The following SGCZ variants were observed in gnomAD, a reference collection of about 807,000 sequenced individuals.
The protein encoded by SGCZ is zeta-sarcoglycan.
In SGCZ, 40 loss-of-function variants were observed where a neutral mutation model predicts 41.3. The observed-to-expected ratio is 0.97, with a 90% CI of 0.75 to 1.26. The LOEUF (loss-of-function observed/expected upper bound fraction) is 1.26. Among genes scored for constraint, SGCZ ranks in the 50% most tolerant of loss-of-function variants. The probability of loss-of-function intolerance (pLI) is 0.00; values close to 1 mark genes in which losing one functional copy is unlikely to be tolerated. For synonymous variants in SGCZ, 206 were observed against 137.5 expected (o/e 1.50, Z -3.49); for missense variants, 552 against 369.8 (o/e 1.49, Z -4.04).
At chr8:14,218,890 A>C (rs1806092404) in intron 4 of SGCZ, among the ~76,000 whole-genome samples, 1 of 152,180 alleles carries the variant, frequency 6.6e-6, no homozygotes, top group African/African-American at 2.4e-5. Flanking sequence ...CAGCCATTGA[A>C]GTCTACGACC....
At chr8:15,056,792 G>C (rs964910662) in intron 1 of SGCZ, among the ~76,000 whole-genome samples, 43 of 152,128 alleles carry the variant, frequency 2.8e-4, no homozygotes, top group Non-Finnish European at 5.7e-4. Flanking sequence ...CTTGAACTGT[G>C]TAAGATGTAT....
intron 1 of SGCZ, among the ~76,000 whole-genome samples, chr8:14,627,721 A>C (rs1247437895): frequency 2.0e-5 from 3 of 151,386 alleles, no homozygotes; most frequent in Non-Finnish European, 2.9e-5. Context: ...CTGTATAGGA[A>C]AAACATATTC....
chr8:14,826,753 T>A (rs567935911), intron 1 of SGCZ, among the ~76,000 whole-genome samples: 19 of 152,358 alleles, frequency 1.2e-4, no homozygotes, highest in Non-Finnish European at 2.2e-4. Context: ...TGTCTGTTTA[T>A]ATCCTTTGCC....
At chr8:15,045,038 C>T (rs1414213595) in intron 1 of SGCZ, among the ~76,000 whole-genome samples, 1 of 151,938 alleles carries the variant, frequency 6.6e-6, no homozygotes, top group African/African-American at 2.4e-5. Flanking sequence ...TTTTGGATAT[C>T]AGATATATAA....
intron 1 of SGCZ, among the ~76,000 whole-genome samples, chr8:14,845,110 C>A (rs539945542): frequency 6.6e-6 from 1 of 152,142 alleles, no homozygotes; most frequent in East Asian, 1.9e-4. Context: ...AAGAAAACCA[C>A]TGAAGGACAG....
intron 1 of SGCZ, chr8:14,853,519 G>A (rs780108055): frequency 3.4e-5 from 18 of 530,192 alleles, no homozygotes; most frequent in African/African-American, 2.1e-4. Context: ...AGCAGGTGAC[G>A]GGGAGATTCT....
At chr8:14,254,069 G>C (rs1178670850) in intron 3 of SGCZ, among the ~76,000 whole-genome samples, 1 of 151,972 alleles carries the variant, frequency 6.6e-6, no homozygotes, top group African/African-American at 2.4e-5. Context: ...CTTAAACACA[G>C]TCTTAAATTG....
At chr8:14,441,177 T>A (rs1189668983) in intron 2 of SGCZ, among the ~76,000 whole-genome samples, 1 of 152,240 alleles carries the variant, frequency 6.6e-6, no homozygotes. Flanking sequence ...TTATTTTAAT[T>A]TGAAAACTTG....
chr8:14,441,291 T>C (rs1383224883), intron 2 of SGCZ, among the ~76,000 whole-genome samples: 1 of 152,166 alleles, frequency 6.6e-6, no homozygotes, highest in Non-Finnish European at 1.5e-5. Context: ...AAAACAATCA[T>C]TTTGGCCGGG....
At chr8:14,625,080 T>C (rs1382791094) in intron 1 of SGCZ, among the ~76,000 whole-genome samples, 1 of 152,202 alleles carries the variant, frequency 6.6e-6, no homozygotes, top group East Asian at 1.9e-4. Flanking sequence ...ATGTTTCCCC[T>C]GTTGTCATCT....
intron 2 of SGCZ, among the ~76,000 whole-genome samples, chr8:14,328,268 CT>C (rs1369102754): frequency 6.6e-6 from 1 of 152,066 alleles, no homozygotes; most frequent in Non-Finnish European, 1.5e-5. Flanking sequence ...TTTTTAGTGT[CT>C]GATGATTTTC....
chr8:14,299,000 A>G (rs1241644680), intron 3 of SGCZ, among the ~76,000 whole-genome samples: 1 of 152,090 alleles, frequency 6.6e-6, no homozygotes, highest in Non-Finnish European at 1.5e-5. Flanking sequence ...AATGAAAGAC[A>G]TATAGGTCAA....
chr8:15,097,888 G>A (rs922266939), intron 1 of SGCZ, among the ~76,000 whole-genome samples: 83 of 120,624 alleles, frequency 6.9e-4, no homozygotes, highest in South Asian at 4.6e-3. Flanking sequence ...ATATACGTGT[G>A]TATATATATA....
At chr8:14,998,678 C>A (rs1045805040) in intron 1 of SGCZ, among the ~76,000 whole-genome samples, 11 of 152,176 alleles carry the variant, frequency 7.2e-5, no homozygotes, top group Admixed American at 7.2e-4. Context: ...TCCTTGAAGT[C>A]AATTATTCAT....
At chr8:14,721,652 A>G (rs1809890678) in intron 1 of SGCZ, among the ~76,000 whole-genome samples, 2 of 152,150 alleles carry the variant, frequency 1.3e-5, no homozygotes, top group South Asian at 4.1e-4. Context: ...TGGTTTTATA[A>G]TTTGTCACCC....
chr8:14,889,656 A>C (rs916515986), intron 1 of SGCZ, among the ~76,000 whole-genome samples: 1 of 152,098 alleles, frequency 6.6e-6, no homozygotes, highest in Non-Finnish European at 1.5e-5. Context: ...AATTTGTGAA[A>C]ATGTTCACAA....
At chr8:14,383,503 C>T (rs28728193) in intron 2 of SGCZ, among the ~76,000 whole-genome samples, 11,299 of 152,080 alleles carry the variant, frequency 0.074, 749 homozygotes, top group African/African-American at 0.17. Flanking sequence ...GCAAATAACA[C>T]GACTAGTAAA....
intron 1 of SGCZ, among the ~76,000 whole-genome samples, chr8:14,676,101 C>T (rs1808268898): frequency 6.6e-6 from 1 of 152,206 alleles, no homozygotes. Context: ...ATCAACCCAA[C>T]TCAGGAATAG....
intron 4 of SGCZ, among the ~76,000 whole-genome samples, chr8:14,236,819 C>T (rs1200056603): frequency 2.0e-5 from 3 of 151,440 alleles, no homozygotes; most frequent in Admixed American, 6.6e-5. Flanking sequence ...TTCTTATTTG[C>T]CTTCTTATAA....
Sources: gnomAD v4.1 joint callset for allele counts (sites outside exome capture counted in the v4.1 genomes callset) on GRCh38, gnomAD v4.1.1 for gene constraint, MANE v1.5 for transcripts, NCBI Gene and HGNC (gene_info 2026-07-23, HGNC 2026-07-21) for gene names.